PRSS38: variants seen among roughly 807,000 people sequenced by gnomAD.
The protein encoded by PRSS38 is marapsin 2.
A neutral mutation model predicts 26.8 loss-of-function variants in PRSS38; 22 were observed. That is an observed-to-expected ratio of 0.82 (90% CI 0.59 to 1.17). The LOEUF is 1.17. Among genes scored for constraint, PRSS38 ranks in the 50% most tolerant of loss-of-function variants. The probability of loss-of-function intolerance (pLI) is 0.00; values close to 1 mark genes in which losing one functional copy is unlikely to be tolerated. For synonymous variants in PRSS38, 175 were observed against 172.1 expected (o/e 1.02, Z -0.13); for missense variants, 427 against 422.7 (o/e 1.01, Z -0.09).
chr1:227,843,008 G>C (rs1329540248), intron 3 of PRSS38, among the ~76,000 whole-genome samples: 2 of 152,192 alleles, frequency 1.3e-5, no homozygotes, highest in African/African-American at 4.8e-5. Flanking sequence ...CTCCAACCTT[G>C]ATCAAAGGAG....
chr1:227,825,453 G>A (rs1194705339), intron 3 of PRSS38, among the ~76,000 whole-genome samples: 2 of 152,156 alleles, frequency 1.3e-5, no homozygotes, highest in Non-Finnish European at 2.9e-5. Context: ...GCCTCCCAAA[G>A]TGCTGTGATT....
At chr1:227,824,460 A>C (rs942360809) in intron 3 of PRSS38, among the ~76,000 whole-genome samples, 5 of 152,098 alleles carry the variant, frequency 3.3e-5, no homozygotes, top group Admixed American at 3.3e-4. Context: ...TTTTTTATCC[A>C]GTCTATCATT....
At position 227,833,179 on chromosome 1, in the gene PRSS38, T is replaced by C. The variant is rs549613554; in HGVS notation, c.584-12291T>C. 1.5e-4 allele frequency among the ~76,000 whole-genome samples: 23 copies of C among 152,208 alleles called. No individual in the cohort carries two copies. In the South Asian group the frequency reaches 4.8e-3, roughly 32 times the overall value. On this transcript the variant is annotated intron_variant, in intron 3 of 4. Transcript: ENST00000366757. ...CTTTTTGCAGAAATAAGAAAGCTAA[T>C]CTTCAAATTTATATGTAATTAGAAG...
At chr1:227,838,047 C>T (rs1466686820) in intron 3 of PRSS38, among the ~76,000 whole-genome samples, 1 of 152,120 alleles carries the variant, frequency 6.6e-6, no homozygotes, top group African/African-American at 2.4e-5. Flanking sequence ...TGAGCCATTG[C>T]ACCTGGCCAG....
chr1:227,839,761 G>A (rs1051621098), intron 3 of PRSS38, among the ~76,000 whole-genome samples: 1 of 151,998 alleles, frequency 6.6e-6, no homozygotes, highest in Non-Finnish European at 1.5e-5. Context: ...CCGCCTTTTT[G>A]GGTGTGTTAG....
At chr1:227,826,406 A>G (rs553155513) in intron 3 of PRSS38, among the ~76,000 whole-genome samples, 1 of 152,328 alleles carries the variant, frequency 6.6e-6, no homozygotes, top group South Asian at 2.1e-4. Context: ...CAGAACGTCC[A>G]ATATTACGTT....
rs540010412 is a variant in PRSS38 at position 227,846,028 on chromosome 1, A to C, written c.801A>C (p.Arg267=). 5.0e-6 allele frequency: 8 copies of C among 1,614,190 alleles called. No homozygotes were observed. In the East Asian group the frequency reaches 1.8e-4, roughly 36 times the overall value. The change falls in exon 5 of 5, where the codon CGA becomes CGC. Residue 267 remains arginine (R), a synonymous_variant. Coordinates refer to ENST00000366757, the Ensembl canonical transcript of PRSS38. ...AGATTGGAATTGTGAGCTGGGGCCG[A>C]GGCTGCTCCAACCCTCTGTACCCTG...
At chr1:227,822,997 A>G (rs1665023241) in intron 3 of PRSS38, among the ~76,000 whole-genome samples, 3 of 152,188 alleles carry the variant, frequency 2.0e-5, no homozygotes, top group Non-Finnish European at 4.4e-5. Flanking sequence ...ACATGGATAT[A>G]TTGCATAGGG....
At chr1:227,845,652 C>T (rs1665418182) in intron 4 of PRSS38, 40 bp downstream of exon 4, 6 of 1,596,814 alleles carry the variant, frequency 3.8e-6, no homozygotes, top group Non-Finnish European at 5.1e-6. Flanking sequence ...GTCATGGGTG[C>T]CCTGTGCCTG....
At chr1:227,842,185 C>T (rs1665347593) in intron 3 of PRSS38, among the ~76,000 whole-genome samples, 1 of 152,182 alleles carries the variant, frequency 6.6e-6, no homozygotes, top group Non-Finnish European at 1.5e-5. Context: ...GGACAAACAT[C>T]CCAACTATAG....
At chr1:227,818,565 C>T (rs1234272585) in intron 3 of PRSS38, among the ~76,000 whole-genome samples, 1 of 150,298 alleles carries the variant, frequency 6.7e-6, no homozygotes, top group Non-Finnish European at 1.5e-5. Context: ...GTAGTCCCAG[C>T]TACTCAGGAG....
At chr1:227,827,554 T>C (rs1014208239) in intron 3 of PRSS38, among the ~76,000 whole-genome samples, 1 of 152,132 alleles carries the variant, frequency 6.6e-6, no homozygotes, top group Non-Finnish European at 1.5e-5. Context: ...TCATTTCTGA[T>C]TGTGTTTATT....
intron 3 of PRSS38, among the ~76,000 whole-genome samples, chr1:227,822,781 C>T (rs1408463612): frequency 1.3e-5 from 2 of 152,188 alleles, no homozygotes; most frequent in Non-Finnish European, 2.9e-5. Flanking sequence ...ATGCTTGCAC[C>T]AAGCCTAGGG....
rs149347317 is a variant in PRSS38, at chr1:227,821,569, A to T, written c.583+4089A>T. 1.8e-4 allele frequency among the ~76,000 whole-genome samples: 27 copies of T among 152,176 alleles called. No homozygotes were observed. In the East Asian group the frequency reaches 5.0e-3, roughly 28 times the overall value. On this transcript the variant is annotated intron_variant, in intron 3 of 4. Coordinates refer to ENST00000366757, the Ensembl canonical transcript of PRSS38. ...GCTCTTGTTTATCCGTGAACGACTT[A>T]ATTTCTCCCTCATTTCTGAAGGACG...
intron 3 of PRSS38, among the ~76,000 whole-genome samples, chr1:227,838,172 T>C (rs746301806): frequency 5.5e-4 from 83 of 152,246 alleles, no homozygotes; most frequent in Non-Finnish European, 1.0e-3. Flanking sequence ...TTATATTCTG[T>C]TTATAAAGAT....
intron 3 of PRSS38, among the ~76,000 whole-genome samples, chr1:227,818,536 G>T (rs1172945218): frequency 6.6e-6 from 1 of 151,960 alleles, no homozygotes; most frequent in African/African-American, 2.4e-5. Flanking sequence ...GACTTAGCTG[G>T]GCTTGACGGC....
intron 3 of PRSS38, among the ~76,000 whole-genome samples, chr1:227,818,675 CAAAAA>C (rs71180764): frequency 4.9e-5 from 3 of 61,062 alleles, no homozygotes; most frequent in Middle Eastern, 0.012. Flanking sequence ...GACCTTCTCT[CAAAAA>C]AAAAAAAAAA....
chr1:227,845,502 C>T, exon 4 of PRSS38: 3 of 1,612,808 alleles, frequency 1.9e-6, no homozygotes, highest in Non-Finnish European at 2.5e-6. Flanking sequence ...GGAGATGCAG[C>T]TCCCGCTGAT....
At chr1:227,840,035 C>T (rs28411691) in intron 3 of PRSS38, among the ~76,000 whole-genome samples, 4,009 of 152,270 alleles carry the variant, frequency 0.026, 64 homozygotes, top group South Asian at 0.083. Context: ...CCCTGTCTTA[C>T]AGGGGTCAGT....
Sources: allele counts gnomAD v4.1 joint callset (sites outside exome capture counted in the v4.1 genomes callset), GRCh38; gene constraint gnomAD v4.1.1; transcripts MANE v1.5; gene names NCBI Gene and HGNC (gene_info 2026-07-23, HGNC 2026-07-21).